The following PTPRT variants were observed in gnomAD, a reference collection of about 807,000 sequenced individuals.
PTPRT encodes the protein protein tyrosine phosphatase receptor type T.
Under a neutral mutation model 176.8 loss-of-function variants are expected in PTPRT, and 56 were observed. The ratio of observed to expected loss-of-function variants is 0.32; its 90% confidence interval spans 0.26 to 0.40. PTPRT has a LOEUF of 0.40. Ranked by LOEUF, PTPRT falls within the 10% of genes least tolerant of loss-of-function variation. PTPRT has a pLI of 1.00. For synonymous variants in PTPRT, 783 were observed against 739.0 expected (o/e 1.06, Z -0.96); for missense variants, 1,540 against 1,908.2 (o/e 0.81, Z 3.60).
intron 7 of PTPRT, among the ~76,000 whole-genome samples, chr20:42,499,439 C>G (rs1416659480): frequency 1.3e-5 from 2 of 151,684 alleles, no homozygotes; most frequent in East Asian, 1.9e-4. Context: ...TTACAGGCAT[C>G]CACCACCACA....
At chr20:43,025,071 T>C (rs1448727977) in intron 1 of PTPRT, among the ~76,000 whole-genome samples, 1 of 152,228 alleles carries the variant, frequency 6.6e-6, no homozygotes, top group African/African-American at 2.4e-5. Context: ...GGCCTTTCTG[T>C]GGTCCCAGAA....
intron 6 of PTPRT, among the ~76,000 whole-genome samples, chr20:42,752,794 A>C (rs1306620610): frequency 1.3e-5 from 2 of 152,162 alleles, no homozygotes; most frequent in Non-Finnish European, 2.9e-5. Flanking sequence ...TTGAGAGGTA[A>C]GTGAGTCATT....
At chr20:42,238,552 G>A (rs370785140) in intron 14 of PTPRT, among the ~76,000 whole-genome samples, 5 of 152,180 alleles carry the variant, frequency 3.3e-5, no homozygotes, top group African/African-American at 1.2e-4. Context: ...TGCCTGGAAG[G>A]TGATTCCCCT....
chr20:43,182,722 G>A (rs562112376), intron 1 of PTPRT, among the ~76,000 whole-genome samples: 2 of 152,190 alleles, frequency 1.3e-5, no homozygotes, highest in South Asian at 4.2e-4. Flanking sequence ...TAAGAGCAGC[G>A]CTTGAACTAT....
In PTPRT at chr20:42,374,456, T is replaced by C. The variant is rs1016118116; in HGVS notation, c.1561-22171A>G. Reference sequence around the variant, plus strand: ...TAAACCCAGTGATAGAGTTTAAAAATCATACGGTAATAATGTTAAAACTTA... The same window carrying C: ...TAAACCCAGTGATAGAGTTTAAAAACCATACGGTAATAATGTTAAAACTTA... On this transcript the variant is annotated intron_variant, in intron 9 of 30. Coordinates refer to ENST00000373187, the MANE Select transcript of PTPRT (RefSeq NM_007050.6). 5.9e-5 allele frequency among the ~76,000 whole-genome samples: 9 copies of C among 152,234 alleles called. No individual in the cohort carries two copies. In the South Asian group the frequency reaches 1.7e-3, roughly 28 times the overall value.
At position 42,493,300 on chromosome 20, in the gene PTPRT, T is replaced by C. The variant is rs566529909; in HGVS notation, c.1154-20738A>G. ...TGTTCTAAGTCCATGTTTTTAATGA[T>C]TGTATTCTATGCCTCAGTTTACTCA... On this transcript the variant is annotated intron_variant, in intron 7 of 30. Transcript: ENST00000373187. Among the ~76,000 whole-genome samples the C allele has an allele frequency of 5.7e-4, 87 of 152,234 alleles. 1 individual carries two copies. In the South Asian group the frequency reaches 6.9e-3, roughly 12 times the overall value.
chr20:42,344,585 T>C (rs2058160000), intron 11 of PTPRT, among the ~76,000 whole-genome samples: 1 of 152,198 alleles, frequency 6.6e-6, no homozygotes, highest in Non-Finnish European at 1.5e-5. Context: ...TGGTGCATTC[T>C]GCTGCAAGAG....
At chr20:42,894,973 T>C in intron 1 of PTPRT, among the ~76,000 whole-genome samples, 1 of 152,198 alleles carries the variant, frequency 6.6e-6, no homozygotes, top group African/African-American at 2.4e-5. Flanking sequence ...AGCTCACACA[T>C]GTGAGCTGTT....
At chr20:42,295,360 T>C (rs935863502) in intron 12 of PTPRT, among the ~76,000 whole-genome samples, 2 of 152,192 alleles carry the variant, frequency 1.3e-5, no homozygotes, top group South Asian at 4.1e-4. Context: ...ACTTCATAGC[T>C]AGCCATGTGT....
chr20:42,935,979 C>T (rs6093758), intron 1 of PTPRT, among the ~76,000 whole-genome samples: 1 of 152,280 alleles, frequency 6.6e-6, no homozygotes, highest in African/African-American at 2.4e-5. Flanking sequence ...AACTCCCAAC[C>T]TCAGGTAATC....
intron 2 of PTPRT, among the ~76,000 whole-genome samples, chr20:42,871,830 C>G (rs1349521330): frequency 4.6e-5 from 7 of 152,126 alleles, no homozygotes; most frequent in Non-Finnish European, 1.0e-4. Flanking sequence ...TGTATTAAAC[C>G]CCTTCCTGAT....
intron 9 of PTPRT, among the ~76,000 whole-genome samples, chr20:42,363,300 ATTTTTTTTTTTT>A (rs879370769): frequency 3.3e-5 from 1 of 30,562 alleles, no homozygotes; most frequent in Non-Finnish European, 5.3e-5. Context: ...ATATATATAT[ATTTTTTTTTTTT>A]TTTTTTTTTT....
chr20:42,982,372 T>C (rs1600619826), intron 1 of PTPRT, among the ~76,000 whole-genome samples: 1 of 152,280 alleles, frequency 6.6e-6, no homozygotes, highest in East Asian at 1.9e-4. Flanking sequence ...AACATAATTA[T>C]ATCATGTGAT....
intron 1 of PTPRT, among the ~76,000 whole-genome samples, chr20:43,172,211 G>A (rs1021704715): frequency 5.3e-5 from 8 of 152,278 alleles, no homozygotes; most frequent in Non-Finnish European, 1.0e-4. Flanking sequence ...TTAAGATCCG[G>A]AGAGATACAC....
intron 7 of PTPRT, among the ~76,000 whole-genome samples, chr20:42,538,134 G>GA (rs368637542): frequency 0.012 from 1,749 of 145,030 alleles, 26 homozygotes; most frequent in African/African-American, 0.041. Flanking sequence ...TTATAAAAAA[G>GA]AAAAAAAAAA....
chr20:42,889,730 G>A (rs1361015365), intron 1 of PTPRT, among the ~76,000 whole-genome samples: 2 of 152,176 alleles, frequency 1.3e-5, no homozygotes, highest in Non-Finnish European at 2.9e-5. Context: ...ACTGGTCACT[G>A]GTCCAACCAA....
rs566136190 is a variant in PTPRT at position 42,426,720 on chromosome 20, T to C, written c.1560+21500A>G. On this transcript the variant is annotated intron_variant, in intron 9 of 30. Transcript: ENST00000373187. The stretch of plus-strand genomic sequence containing the variant: ...CCGAGCTCCTGCACCTGCCTGTCTG[T>C]GAGCTCCCCCTCCCGTAAGGGGTTT... Among the ~76,000 whole-genome samples the C allele has an allele frequency of 2.7e-4, 41 of 152,292 alleles. 1 individual carries two copies. The highest frequency in any genetic ancestry group is 2.0e-3 in the Admixed American group (30 of 15,294).
intron 11 of PTPRT, among the ~76,000 whole-genome samples, chr20:42,336,892 C>T (rs1369285789): frequency 6.6e-6 from 1 of 152,050 alleles, no homozygotes; most frequent in Admixed American, 6.6e-5. Context: ...GAAATAGAAA[C>T]CTGAGAGAAA....
intron 7 of PTPRT, among the ~76,000 whole-genome samples, chr20:42,628,999 G>A (rs542828591): frequency 6.6e-6 from 1 of 152,234 alleles, no homozygotes; most frequent in East Asian, 1.9e-4. Context: ...AACTCAAAAG[G>A]CCATAATTCT....
Sources: gnomAD v4.1 joint callset for allele counts (sites outside exome capture counted in the v4.1 genomes callset) on GRCh38, gnomAD v4.1.1 for gene constraint, MANE v1.5 for transcripts, NCBI Gene and HGNC (gene_info 2026-07-23, HGNC 2026-07-21) for gene names.